Variants in LRP12 observed in about 807,000 individuals in gnomAD.
The protein encoded by LRP12 is low-density lipoprotein receptor-related protein 12.
LRP12 carries 14 observed loss-of-function variants against 66.0 expected under a neutral mutation model. That is an observed-to-expected ratio of 0.21 (90% CI 0.14 to 0.33). The LOEUF is 0.33. Among genes scored for constraint, LRP12 ranks in the 10% least tolerant of loss-of-function variants. The pLI is 1.00. For missense variants in LRP12, 889 were observed against 1,053.4 expected (o/e 0.84, Z 2.16); for synonymous variants, 357 against 359.1 (o/e 0.99, Z 0.07).
intron 1 of LRP12, among the ~76,000 whole-genome samples, chr8:104,565,860 CA>C (rs35650042): frequency 1.8e-3 from 201 of 111,802 alleles, no homozygotes; most frequent in Middle Eastern, 5.1e-3. Flanking sequence ...GACTCCATCT[CA>C]AAAAAAAAAA....
At chr8:104,557,619 G>A (rs1285579876) in intron 1 of LRP12, among the ~76,000 whole-genome samples, 2 of 151,586 alleles carry the variant, frequency 1.3e-5, no homozygotes, top group African/African-American at 4.8e-5. Context: ...AGAAATCACA[G>A]ACCACACAAA....
rs1158032286 is a variant in LRP12, at chr8:104,531,821, A to G, written c.136+86T>C. On this transcript the variant is annotated intron_variant, in intron 2 of 6. Transcript: ENST00000276654. The stretch of plus-strand genomic sequence containing the variant: ...AAGCAGTAATAATTTTTATAGCCAA[A>G]TATCACTTCGTAAGATACCAGGTGG... The G allele has an allele frequency of 3.5e-6, 3 of 848,526 alleles. No homozygotes were observed. In the Admixed American group the frequency reaches 7.5e-5, roughly 21 times the overall value. 52.6% of individuals were successfully genotyped at this position (848,526 alleles called of 1,614,324 possible).
intron 1 of LRP12, among the ~76,000 whole-genome samples, chr8:104,584,897 G>A (rs1443209934): frequency 2.6e-5 from 4 of 152,078 alleles, no homozygotes; most frequent in African/African-American, 9.7e-5. Context: ...GGAATTTCTT[G>A]TCTACCCTTA....
At chr8:104,525,665 G>A (rs1403521021) in intron 2 of LRP12, among the ~76,000 whole-genome samples, 1 of 152,040 alleles carries the variant, frequency 6.6e-6, no homozygotes, top group Non-Finnish European at 1.5e-5. Flanking sequence ...TTGCCATAAT[G>A]TGCCTTAGTA....
intron 4 of LRP12, among the ~76,000 whole-genome samples, chr8:104,498,452 A>G (rs548139321): frequency 6.6e-5 from 9 of 135,666 alleles, no homozygotes; most frequent in Admixed American, 5.5e-4. Context: ...GGTCCCACTT[A>G]TAAGTGAGAA....
intron 1 of LRP12, among the ~76,000 whole-genome samples, chr8:104,567,664 T>C (rs1812026051): frequency 6.6e-6 from 1 of 152,164 alleles, no homozygotes; most frequent in South Asian, 2.1e-4. Flanking sequence ...AAAAGTATAT[T>C]CATATGCACC....
chr8:104,515,135 G>A (rs1811057673), intron 2 of LRP12, among the ~76,000 whole-genome samples: 1 of 152,148 alleles, frequency 6.6e-6, no homozygotes, highest in Non-Finnish European at 1.5e-5. Context: ...ATATTTGTTT[G>A]AAATCAAAAT....
rs1202697745 is a variant in LRP12 at position 104,497,258 on chromosome 8, G to C, written c.1294C>G (p.Arg432Gly). The C allele has an allele frequency of 6.2e-7, 1 of 1,614,086 alleles. No homozygotes were observed. The highest frequency in any genetic ancestry group is 8.5e-7 in the Non-Finnish European group (1 of 1,180,024). ...GGGCAATGATTCTGGTAGTTGCAGC[G>C]ATCAGAACGAGGATAACAGACACCA... The part of the protein sequence containing the change: ...RNGVCYPRSD[R>G]CNYQNHCPNG... The change falls in exon 5 of 7, where the codon CGC becomes GGC. Residue 432 changes from arginine (R) to glycine (G), a missense_variant. By Grantham distance (125) the Arg-to-Gly change is moderately radical (BLOSUM62 -2). Coordinates refer to ENST00000276654, the MANE Select transcript of LRP12 (RefSeq NM_013437.5). The surrounding 1 kb of genome is among the most constrained non-coding windows in gnomAD (Gnocchi z 4.3).
At chr8:104,529,021 T>C (rs1355401176) in intron 2 of LRP12, among the ~76,000 whole-genome samples, 4 of 152,228 alleles carry the variant, frequency 2.6e-5, no homozygotes, top group African/African-American at 9.7e-5. Context: ...AACACACATT[T>C]TGTTATGGCC....
chr8:104,572,758 C>G (rs918807523), intron 1 of LRP12, among the ~76,000 whole-genome samples: 7 of 151,964 alleles, frequency 4.6e-5, no homozygotes, highest in Non-Finnish European at 8.8e-5. Context: ...AAAACTGACT[C>G]AAGGATGAAG....
intron 5 of LRP12, chr8:104,496,175 A>G (rs1366588381): frequency 6.6e-6 from 1 of 152,198 alleles, no homozygotes; most frequent in Non-Finnish European, 1.5e-5. Context: ...TTTAACAGTT[A>G]ACCATTTCTT....
intron 1 of LRP12, among the ~76,000 whole-genome samples, chr8:104,584,640 CTTGT>C (rs1347513937): frequency 7.6e-6 from 1 of 132,286 alleles, no homozygotes; most frequent in Non-Finnish European, 1.6e-5. Flanking sequence ...GTTAACAGTG[CTTGT>C]TTAATACTTT....
chr8:104,568,497 C>G (rs1313418443), intron 1 of LRP12, among the ~76,000 whole-genome samples: 3 of 152,040 alleles, frequency 2.0e-5, no homozygotes, highest in African/African-American at 7.2e-5. Flanking sequence ...AACTACAAAA[C>G]AGGATACAAT....
At chr8:104,548,163 TTATATATA>T (rs1394673647) in intron 1 of LRP12, among the ~76,000 whole-genome samples, 1 of 59,036 alleles carries the variant, frequency 1.7e-5, no homozygotes, top group African/African-American at 7.4e-5. Context: ...TTAATAATTA[TTATATATA>T]ATATAATATA....
intron 2 of LRP12, among the ~76,000 whole-genome samples, chr8:104,517,206 G>C (rs1336022937): frequency 6.7e-6 from 1 of 149,586 alleles, no homozygotes; most frequent in Non-Finnish European, 1.5e-5. Flanking sequence ...AGATAATACA[G>C]TACATGATTT....
At position 104,503,048 on chromosome 8, in the gene LRP12, G is replaced by A. The variant is rs138161696; in HGVS notation, c.273-3529C>T. The stretch of plus-strand genomic sequence containing the variant: ...AAAAATACAAAAATTAGTTGGGCGT[G>A]GTTTTTAATTTTAGTCTTGATGAAG... On this transcript the variant is annotated intron_variant, in intron 3 of 6. Coordinates refer to ENST00000276654, the MANE Select transcript of LRP12 (RefSeq NM_013437.5). Among the ~76,000 whole-genome samples, 395 of 151,808 alleles carry A rather than the reference G, an allele frequency of 2.6e-3. 1 individual carries two copies. Among genetic ancestry groups the A allele is most frequent in the African/African-American group, 9.0e-3 (374 of 41,398 alleles).
At chr8:104,548,374 T>G (rs1370073478) in intron 1 of LRP12, among the ~76,000 whole-genome samples, 2 of 93,746 alleles carry the variant, frequency 2.1e-5, no homozygotes, top group African/African-American at 1.0e-4. Flanking sequence ...TATAAATATA[T>G]TATATAAATA....
At chr8:104,526,526 T>A (rs1200115733) in intron 2 of LRP12, among the ~76,000 whole-genome samples, 1 of 144,976 alleles carries the variant, frequency 6.9e-6, no homozygotes, top group Admixed American at 6.8e-5. Context: ...GAAATAATGC[T>A]GCATATCTAC....
chr8:104,519,480 G>A (rs988281294), intron 2 of LRP12, among the ~76,000 whole-genome samples: 11 of 151,966 alleles, frequency 7.2e-5, no homozygotes, highest in East Asian at 3.8e-4. Flanking sequence ...GAATATTTGC[G>A]CATACATACT....
Sources: gnomAD v4.1 joint callset for allele counts (sites outside exome capture counted in the v4.1 genomes callset) on GRCh38, gnomAD v4.1.1 for gene constraint, Gnocchi (gnomAD v3.1) non-coding constraint, MANE v1.5 for transcripts, NCBI Gene and HGNC (gene_info 2026-07-23, HGNC 2026-07-21) for gene names.